KCNQ1: variants seen among roughly 807,000 people sequenced by gnomAD.
KCNQ1 encodes the protein potassium voltage-gated channel subfamily Q member 1, also known as potassium voltage-gated channel subfamily KQT member 1.
Under a neutral mutation model 72.4 loss-of-function variants are expected in KCNQ1, and 49 were observed. That is an observed-to-expected ratio of 0.68 (90% CI 0.54 to 0.86). The LOEUF is 0.86. Among genes scored for constraint, KCNQ1 ranks in the 40% least tolerant of loss-of-function variants. The probability of loss-of-function intolerance (pLI) is 0.00; values close to 1 mark genes in which losing one functional copy is unlikely to be tolerated. For synonymous variants in KCNQ1, 450 were observed against 412.6 expected (o/e 1.09, Z -1.10); for missense variants, 790 against 945.1 (o/e 0.84, Z 2.15).
In KCNQ1 at chr11:2,664,121, C is replaced by T. The variant is rs1181922962; in HGVS notation, c.1514+2040C>T. 2.5e-6 allele frequency: 1 copy of T among 398,642 alleles called. No individual in the cohort carries two copies. The highest frequency in any genetic ancestry group is 2.1e-5 in the African/African-American group (1 of 48,730). 24.7% of individuals were successfully genotyped at this position (398,642 alleles called of 1,614,324 possible). On this transcript the variant is annotated intron_variant, in intron 11 of 15. Transcript: ENST00000155840. The surrounding 1 kb of genome is among the most constrained non-coding windows in gnomAD (Gnocchi z 5.1). ...AGTCATTACCCAACCAGGTCCCTGCCCTGTAACTTACCAAGGCCTCTCTCA... is the reference window on the plus strand; with the variant it reads ...AGTCATTACCCAACCAGGTCCCTGCTCTGTAACTTACCAAGGCCTCTCTCA...
rs902604672 is a variant in KCNQ1 at position 2,563,702 on chromosome 11, A to G, written c.478-6926A>G. 6.6e-6 allele frequency among the ~76,000 whole-genome samples: 1 copy of G among 152,196 alleles called. No individual in the cohort carries two copies. Among genetic ancestry groups the G allele is most frequent in the African/African-American group, 2.4e-5 (1 of 41,442 alleles). The stretch of plus-strand genomic sequence containing the variant: ...AGGATGGCACCGAGCACCATTCAAC[A>G]TAAGTCTTGTCAGCGTTCCGATGAA... On this transcript the variant is annotated intron_variant, in intron 2 of 15. Coordinates refer to ENST00000155840, the MANE Select transcript of KCNQ1 (RefSeq NM_000218.3). This position sits in a 1 kb window ranked among gnomAD's most constrained non-coding sequence, Gnocchi z 7.4.
intron 2 of KCNQ1, among the ~76,000 whole-genome samples, chr11:2,548,171 G>T (rs1847926689): frequency 1.3e-5 from 2 of 152,214 alleles, no homozygotes; most frequent in Admixed American, 1.3e-4. Flanking sequence ...TCTCTAAGCA[G>T]TGGCAGCTCA....
Position 2,627,781 on chromosome 11 carries a change from C to A in KCNQ1, c.1394-34180C>A. 1 of 398,368 alleles carries A rather than the reference C, an allele frequency of 2.5e-6. No homozygotes were observed. Among genetic ancestry groups the A allele is most frequent in the South Asian group, 1.3e-4 (1 of 7,708 alleles). The allele number at this position is 398,368 out of a possible 1,614,324, so 24.7% of individuals were successfully genotyped here. ...TTCCTTTCTTTTTGAGACAGGGTCT[C>A]CATCTGTCATCCAGGCAGGAGTACA... is the stretch of plus-strand genomic sequence containing the variant. On this transcript the variant is annotated intron_variant, in intron 10 of 15. Transcript: ENST00000155840. The surrounding 1 kb of genome is among the most constrained non-coding windows in gnomAD (Gnocchi z 4.9).
At chr11:2,499,731 C>T (rs188755014) in intron 1 of KCNQ1, among the ~76,000 whole-genome samples, 17 of 152,258 alleles carry the variant, frequency 1.1e-4, no homozygotes, top group Admixed American at 3.9e-4. Context: ...AAGGTCATTA[C>T]ATCATGATAA....
rs1846897165 is a variant in KCNQ1 at position 2,785,659 on chromosome 11, A to C, written c.1794+7622A>C. 6.6e-6 allele frequency among the ~76,000 whole-genome samples: 1 copy of C among 151,778 alleles called. No individual in the cohort carries two copies. Among genetic ancestry groups the C allele is most frequent in the Non-Finnish European group, 1.5e-5 (1 of 67,806 alleles). ...TTAATATAATTTCTAATAGATTTGG[A>C]TTGAATTCTAGCAGTGTATTTTGTG... On this transcript the variant is annotated intron_variant, in intron 15 of 15. Transcript: ENST00000155840. This position sits in a 1 kb window ranked among gnomAD's most constrained non-coding sequence, Gnocchi z 4.4.
intron 11 of KCNQ1, among the ~76,000 whole-genome samples, chr11:2,705,501 A>C (rs1184524779): frequency 6.6e-6 from 1 of 152,128 alleles, no homozygotes; most frequent in Non-Finnish European, 1.5e-5. Context: ...AATGAAGTGA[A>C]CTGGGCCTGC....
intron 10 of KCNQ1, chr11:2,615,166 G>A (rs955532468): frequency 5.0e-6 from 2 of 397,934 alleles, no homozygotes; most frequent in Non-Finnish European, 8.9e-6. Flanking sequence ...ATTGTAAGTG[G>A]AATTTTAAAA....
intron 10 of KCNQ1, chr11:2,641,985 C>G (rs1849586841): frequency 2.5e-6 from 1 of 398,220 alleles, no homozygotes; most frequent in Non-Finnish European, 4.4e-6. Context: ...TTCCATTGGT[C>G]TATCAGTTTT....
Position 2,785,896 on chromosome 11 carries a change from C to G in KCNQ1, c.1794+7859C>G, listed in dbSNP as rs1846901958. 6.6e-6 allele frequency among the ~76,000 whole-genome samples: 1 copy of G among 151,978 alleles called. No homozygotes were observed. The highest frequency in any genetic ancestry group is 1.5e-5 in the Non-Finnish European group (1 of 67,896). On this transcript the variant is annotated intron_variant, in intron 15 of 15. Coordinates refer to ENST00000155840, the MANE Select transcript of KCNQ1 (RefSeq NM_000218.3). The surrounding 1 kb of genome is among the most constrained non-coding windows in gnomAD (Gnocchi z 4.4). The stretch of plus-strand genomic sequence containing the variant: ...CCATATCTGTAATAAAATAGGGATC[C>G]TAGAACACTTTAACTTCAATTATTC...
At position 2,684,100 on chromosome 11, in the gene KCNQ1, C is replaced by T. The variant is rs1234662343; in HGVS notation, c.1514+22019C>T. ...ATTAACTGGTACAGCAATTTCAGAA[C>T]CCTTTCACATAGATTCTTAAGGGGA... is the stretch of plus-strand genomic sequence containing the variant. On this transcript the variant is annotated intron_variant, in intron 11 of 15. Coordinates refer to ENST00000155840, the MANE Select transcript of KCNQ1 (RefSeq NM_000218.3). The T allele has an allele frequency of 7.0e-5, 28 of 398,454 alleles. No individual in the cohort carries two copies. In the Admixed American group the frequency reaches 1.2e-3, roughly 18 times the overall value. The allele number at this position is 398,454 out of a possible 1,614,324, so 24.7% of individuals were successfully genotyped here.
At chr11:2,837,991 C>G (rs468153) in intron 15 of KCNQ1, among the ~76,000 whole-genome samples, 38,158 of 152,176 alleles carry the variant, frequency 0.25, 5,882 homozygotes, top group Non-Finnish European at 0.35. Context: ...GAGAGGGGGT[C>G]ATGGGCCCCA....
Position 2,515,910 on chromosome 11 carries a change from C to T in KCNQ1, c.387-12018C>T, listed in dbSNP as rs1389549907. 6.6e-6 allele frequency among the ~76,000 whole-genome samples: 1 copy of T among 151,912 alleles called. No individual in the cohort carries two copies. ...TTCCTGCTTGCACCCCAGAGCCTGG[C>T]CACCCCTGTCCTCTGCTGAGGCCCT... On this transcript the variant is annotated intron_variant, in intron 1 of 15. Transcript: ENST00000155840. The surrounding 1 kb of genome is among the most constrained non-coding windows in gnomAD (Gnocchi z 4.7).
rs891085632 is a variant in KCNQ1 at position 2,659,126 on chromosome 11, T to C, written c.1394-2835T>C. On this transcript the variant is annotated intron_variant, in intron 10 of 15. Transcript: ENST00000155840. This position sits in a 1 kb window ranked among gnomAD's most constrained non-coding sequence, Gnocchi z 4.3. Reference sequence around the variant, plus strand: ...TCCGGGTTAATTTTTTAAATTTGCATACAGTAAAATCCACTCTTTGAGATT... The same window carrying C: ...TCCGGGTTAATTTTTTAAATTTGCACACAGTAAAATCCACTCTTTGAGATT... 1 of 398,644 alleles carries C rather than the reference T, an allele frequency of 2.5e-6. No homozygotes were observed. The highest frequency in any genetic ancestry group is 2.1e-5 in the African/African-American group (1 of 48,772). The allele number at this position is 398,644 out of a possible 1,614,324, so 24.7% of individuals were successfully genotyped here. A position where few individuals can be genotyped will look rare whatever the true frequency, so the allele number is the denominator to read the frequency against.
intron 4 of KCNQ1, 123 bp downstream of exon 4, chr11:2,571,526 C>T (rs867232532): frequency 1.3e-6 from 1 of 795,258 alleles, no homozygotes; most frequent in Non-Finnish European, 2.1e-6. Flanking sequence ...TGCCCACTGC[C>T]CCCGGGGGCA....
chr11:2,698,032 G>C lies in KCNQ1; in HGVS notation c.1514+35951G>C. 1 of 398,602 alleles carries C rather than the reference G, an allele frequency of 2.5e-6. No individual in the cohort carries two copies. Among genetic ancestry groups the C allele is most frequent in the Non-Finnish European group, 4.4e-6 (1 of 226,048 alleles). 24.7% of individuals were successfully genotyped at this position (398,602 alleles called of 1,614,324 possible). A position where few individuals can be genotyped will look rare whatever the true frequency, so the allele number is the denominator to read the frequency against. ...AAACAGGTGCAGAAATGGATCATTT[G>C]AGACACCATAGAAATCTGGTTAATC... On this transcript the variant is annotated intron_variant, in intron 11 of 15. Coordinates refer to ENST00000155840, the MANE Select transcript of KCNQ1 (RefSeq NM_000218.3). The surrounding 1 kb of genome is among the most constrained non-coding windows in gnomAD (Gnocchi z 5.1).
Position 2,662,219 on chromosome 11 carries a change from G to A in KCNQ1, c.1514+138G>A, listed in dbSNP as rs577722750. 28 of 1,205,176 alleles carry A rather than the reference G, an allele frequency of 2.3e-5. No homozygotes were observed. The Admixed American group carries it at 3.7e-4, about 16-fold the overall frequency. The allele number at this position is 1,205,176 out of a possible 1,614,324, so 74.7% of individuals were successfully genotyped here. A position where few individuals can be genotyped will look rare whatever the true frequency, so the allele number is the denominator to read the frequency against. ...AGTGCCCACCACTTGCCGTCTGCCT[G>A]GCCCCAACACGGAGGCACCAGGCAA... On this transcript the variant is annotated intron_variant, in intron 11 of 15. Transcript: ENST00000155840.
chr11:2,598,508 CAA>C lies in KCNQ1; in HGVS notation c.1393+9656_1393+9657del, dbSNP rs1848761038. 6.7e-6 allele frequency among the ~76,000 whole-genome samples: 1 copy of C among 150,348 alleles called. No individual in the cohort carries two copies. Among genetic ancestry groups the C allele is most frequent in the African/African-American group, 2.5e-5 (1 of 40,450 alleles). ...AAATATCTTCTGTATTTGTATAACACAAAGTTTTATTTGTATACATGGACAGA... is the reference window on the plus strand; with the variant it reads ...AAATATCTTCTGTATTTGTATAACACAGTTTTATTTGTATACATGGACAGA... On this transcript the variant is annotated intron_variant, in intron 10 of 15. Coordinates refer to ENST00000155840, the MANE Select transcript of KCNQ1 (RefSeq NM_000218.3). The surrounding 1 kb of genome is among the most constrained non-coding windows in gnomAD (Gnocchi z 6.2).
rs190670001 is a variant in KCNQ1 at position 2,766,067 on chromosome 11, A to G, written c.1515-2777A>G. On this transcript the variant is annotated intron_variant, in intron 11 of 15. Transcript: ENST00000155840. The surrounding 1 kb of genome is among the most constrained non-coding windows in gnomAD (Gnocchi z 4.4). ...CCCTGCTATCCAACTCACCTATTGC[A>G]TTCTTCATTTCCATTATGGTCCTTA... Among the ~76,000 whole-genome samples the G allele has an allele frequency of 6.6e-6, 1 of 152,200 alleles. No homozygotes were observed. The highest frequency in any genetic ancestry group is 6.5e-5 in the Admixed American group (1 of 15,290).
rs1000218813 is a variant in KCNQ1 at position 2,514,197 on chromosome 11, G to A, written c.387-13731G>A. On this transcript the variant is annotated intron_variant, in intron 1 of 15. Coordinates refer to ENST00000155840, the MANE Select transcript of KCNQ1 (RefSeq NM_000218.3). ...GGCCATGGAGGCAGTGAGAAGAGCCGAGGGAGCTGGCCGGGGCGCATTTCC... is the reference window on the plus strand; with the variant it reads ...GGCCATGGAGGCAGTGAGAAGAGCCAAGGGAGCTGGCCGGGGCGCATTTCC... 4.6e-5 allele frequency among the ~76,000 whole-genome samples: 7 copies of A among 152,350 alleles called. No homozygotes were observed. The Middle Eastern group carries it at 0.014, about 296-fold the overall frequency.
Sources: gnomAD v4.1 joint callset for allele counts (sites outside exome capture counted in the v4.1 genomes callset) on GRCh38, gnomAD v4.1.1 for gene constraint, Gnocchi (gnomAD v3.1) non-coding constraint, MANE v1.5 for transcripts, NCBI Gene and HGNC (gene_info 2026-07-23, HGNC 2026-07-21) for gene names.